The following PLXDC2 variants were observed in gnomAD, a reference collection of about 807,000 sequenced individuals.
The protein encoded by PLXDC2 is plexin domain-containing protein 2.
In PLXDC2, 40 loss-of-function variants were observed where a neutral mutation model predicts 68.9. That is an observed-to-expected ratio of 0.58 (90% CI 0.45 to 0.76). PLXDC2 has a LOEUF of 0.76. Among genes scored for constraint, PLXDC2 ranks in the 30% least tolerant of loss-of-function variants. The pLI, the probability that PLXDC2 is intolerant of heterozygous loss-of-function variation, is 0.00. For missense variants in PLXDC2, 644 were observed against 661.9 expected, an observed-to-expected ratio of 0.97 and a Z score of 0.30; for synonymous variants, 243 against 234.2, an observed-to-expected ratio of 1.04 and a Z score of -0.34.
intron 1 of PLXDC2, among the ~76,000 whole-genome samples, chr10:19,949,320 TTAG>T (rs1163571137): frequency 1.3e-5 from 2 of 152,134 alleles, no homozygotes; most frequent in African/African-American, 4.8e-5. Context: ...TACTTGACCA[TTAG>T]TAGTCTACTG....
At chr10:20,001,603 A>G (rs1009357190) in intron 1 of PLXDC2, among the ~76,000 whole-genome samples, 172 bp from the exon 2 acceptor site, 1 of 152,202 alleles carries the variant, frequency 6.6e-6, no homozygotes, top group African/African-American at 2.4e-5. Context: ...TTGCATTCCA[A>G]TCAGAGATGT....
Position 20,027,443 on chromosome 10 carries a change from C to T in PLXDC2, c.325-19426C>T, listed in dbSNP as rs576996860. Among the ~76,000 whole-genome samples, 8 of 152,214 alleles carry T rather than the reference C, an allele frequency of 5.3e-5. No individual in the cohort carries two copies. The East Asian group carries it at 9.6e-4, about 18-fold the overall frequency. ...TGCCTTCTACTATGTGAGGATGCAA[C>T]GAGAAGGCCCACACAGGTGCCAGTA... On this transcript the variant is annotated intron_variant, in intron 2 of 13. Coordinates refer to ENST00000377252, the MANE Select transcript of PLXDC2 (RefSeq NM_032812.9).
intron 4 of PLXDC2, among the ~76,000 whole-genome samples, chr10:20,071,407 T>C (rs888536735): frequency 6.6e-6 from 1 of 152,162 alleles, no homozygotes; most frequent in African/African-American, 2.4e-5. Flanking sequence ...GTAATTCCCA[T>C]ATGTTGTGGG....
intron 1 of PLXDC2, among the ~76,000 whole-genome samples, chr10:19,980,586 T>C (rs1190822014): frequency 2.0e-5 from 3 of 152,198 alleles, no homozygotes; most frequent in African/African-American, 7.2e-5. Context: ...GGGCCAGACA[T>C]CTATGGAAAT....
chr10:20,225,541 G>A (rs1835275462), intron 12 of PLXDC2, among the ~76,000 whole-genome samples: 1 of 152,078 alleles, frequency 6.6e-6, no homozygotes, highest in African/African-American at 2.4e-5. Flanking sequence ...TTTCATGACA[G>A]CACTAACCCT....
chr10:19,879,850 A>G (rs1297780772), intron 1 of PLXDC2, among the ~76,000 whole-genome samples: 1 of 152,144 alleles, frequency 6.6e-6, no homozygotes, highest in Non-Finnish European at 1.5e-5. Flanking sequence ...TCTCTTGGCC[A>G]TTCTGAATGT....
intron 9 of PLXDC2, among the ~76,000 whole-genome samples, chr10:20,210,835 C>T (rs1835060100): frequency 6.6e-6 from 1 of 152,146 alleles, no homozygotes; most frequent in Non-Finnish European, 1.5e-5. Flanking sequence ...TGCAATAATA[C>T]ACAACAAGTA....
At position 19,899,344 on chromosome 10, in the gene PLXDC2, A is replaced by T. The variant is rs1028904334; in HGVS notation, c.112+82153A>T. Among the ~76,000 whole-genome samples, 4 of 152,176 alleles carry T rather than the reference A, an allele frequency of 2.6e-5. No homozygotes were observed. The East Asian group carries it at 7.7e-4, about 29-fold the overall frequency. On this transcript the variant is annotated intron_variant, in intron 1 of 13. Coordinates refer to ENST00000377252, the MANE Select transcript of PLXDC2 (RefSeq NM_032812.9). ...ATCATAAGGTCCGATTTCTTTCCCA[A>T]CCAGGTAGTTTATGAAGATCAAACA...
At chr10:19,970,733 C>G (rs1409398006) in intron 1 of PLXDC2, among the ~76,000 whole-genome samples, 2 of 152,166 alleles carry the variant, frequency 1.3e-5, no homozygotes, top group African/African-American at 2.4e-5. Context: ...CCCAGGTATA[C>G]TGCCATGGTT....
Position 19,880,971 on chromosome 10 carries a change from A to G in PLXDC2, c.112+63780A>G, listed in dbSNP as rs370836531. 3.9e-5 allele frequency among the ~76,000 whole-genome samples: 6 copies of G among 152,328 alleles called. No individual in the cohort carries two copies. In the South Asian group the frequency reaches 1.0e-3, roughly 26 times the overall value. ...TTGAGATCCAGAATGTTATTTTCCA[A>G]TTATTACACAAGAGTAATTTAAAAT... On this transcript the variant is annotated intron_variant, in intron 1 of 13. Coordinates refer to ENST00000377252, the MANE Select transcript of PLXDC2 (RefSeq NM_032812.9).
intron 1 of PLXDC2, among the ~76,000 whole-genome samples, chr10:19,876,601 CAAAAAAAA>C (rs61268790): frequency 1.9e-4 from 12 of 63,966 alleles, no homozygotes; most frequent in African/African-American, 2.0e-4. Context: ...GATTCCATCT[CAAAAAAAA>C]AAAAAAAAAA....
chr10:20,207,281 A>G (rs979914831), intron 9 of PLXDC2, among the ~76,000 whole-genome samples: 1 of 151,976 alleles, frequency 6.6e-6, no homozygotes, highest in African/African-American at 2.4e-5. Context: ...ACACAACATA[A>G]TTGGGGGATT....
Position 19,816,678 on chromosome 10 carries a change from G to A in PLXDC2, c.-402G>A. ...GGGGCAGGCAGCGGCGCTGGCTGTG[G>A]AATTAGATCTGTTTTGAACCCAGTG... On this transcript the variant is annotated 5_prime_UTR_variant, in exon 1 of 14. Coordinates refer to ENST00000377252, the MANE Select transcript of PLXDC2 (RefSeq NM_032812.9). 3.8e-6 allele frequency: 1 copy of A among 265,102 alleles called. No individual in the cohort carries two copies. Among genetic ancestry groups the A allele is most frequent in the Non-Finnish European group, 7.3e-6 (1 of 136,962 alleles). 16.4% of individuals were successfully genotyped at this position (265,102 alleles called of 1,614,324 possible). A position where few individuals can be genotyped will look rare whatever the true frequency, so the allele number is the denominator to read the frequency against.
At chr10:20,175,332 A>G (rs1834511761) in intron 7 of PLXDC2, among the ~76,000 whole-genome samples, 1 of 152,210 alleles carries the variant, frequency 6.6e-6, no homozygotes, top group Non-Finnish European at 1.5e-5. Context: ...CTGAGGCAAC[A>G]CAGATTCCTC....
chr10:20,055,990 T>C (rs1175207328), intron 3 of PLXDC2, among the ~76,000 whole-genome samples: 1 of 152,092 alleles, frequency 6.6e-6, no homozygotes, highest in African/African-American at 2.4e-5. Context: ...GTTTAAAAAA[T>C]AGTAGGGATT....
At chr10:19,930,942 C>T (rs535054350) in intron 1 of PLXDC2, among the ~76,000 whole-genome samples, 57 of 151,290 alleles carry the variant, frequency 3.8e-4, no homozygotes, top group Non-Finnish European at 6.8e-4. Flanking sequence ...CCAGCCTGGG[C>T]GACAGAGAGA....
intron 9 of PLXDC2, among the ~76,000 whole-genome samples, chr10:20,184,736 A>C (rs952119394): frequency 1.3e-5 from 2 of 151,938 alleles, no homozygotes; most frequent in Non-Finnish European, 2.9e-5. Flanking sequence ...AAAGTAACAG[A>C]GAAACATGAA....
At chr10:20,177,462 G>C in intron 9 of PLXDC2, 53 bp downstream of exon 9, 1 of 965,636 alleles carries the variant, frequency 1.0e-6, no homozygotes, top group Non-Finnish European at 1.4e-6. Flanking sequence ...TATTTTAAAA[G>C]ATTAGAAATT....
At chr10:20,149,214 CTTTTTTTTTCTTTTCT>C (rs1452918288) in intron 6 of PLXDC2, among the ~76,000 whole-genome samples, 2,464 of 112,284 alleles carry the variant, frequency 0.022, 41 homozygotes, top group South Asian at 0.045. Context: ...ATTTTTCTTT[CTTTTTTTTTCTTTTCT>C]TTTTTTTTTT....
Sources: allele counts gnomAD v4.1 joint callset (sites outside exome capture counted in the v4.1 genomes callset), GRCh38; gene constraint gnomAD v4.1.1; transcripts MANE v1.5; gene names NCBI Gene and HGNC (gene_info 2026-07-23, HGNC 2026-07-21).